Variants in DNAAF5 observed in about 807,000 individuals in gnomAD.
DNAAF5 encodes the protein HEAT repeat containing 2.
A neutral mutation model predicts 75.8 loss-of-function variants in DNAAF5; 64 were observed. The observed-to-expected ratio is 0.84, with a 90% CI of 0.69 to 1.04. DNAAF5 has a LOEUF of 1.04. Ranked by LOEUF, DNAAF5 falls within the 50% of genes least tolerant of loss-of-function variation. DNAAF5 has a pLI of 0.00. For missense variants in DNAAF5, 1,269 were observed against 1,178.5 expected, an observed-to-expected ratio of 1.08 and a Z score of -1.12; for synonymous variants, 657 against 557.2, an observed-to-expected ratio of 1.18 and a Z score of -2.52.
chr7:782,936 CAG>C (rs1249386976), intron 12 of DNAAF5, among the ~76,000 whole-genome samples: 3 of 152,284 alleles, frequency 2.0e-5, no homozygotes, highest in Non-Finnish European at 2.9e-5. Flanking sequence ...CCGGCGGCAT[CAG>C]AAACTCGGAT....
intron 4 of DNAAF5, among the ~76,000 whole-genome samples, chr7:749,899 A>G (rs866309694): frequency 3.3e-5 from 5 of 152,156 alleles, no homozygotes; most frequent in East Asian, 1.9e-4. Flanking sequence ...GGGTTTCACC[A>G]TATCAGTCAG....
Position 774,098 on chromosome 7 carries a change from A to G in DNAAF5, c.1982A>G (p.Asn661Ser), listed in dbSNP as rs774747381. The stretch of plus-strand genomic sequence containing the variant: ...GTGACAAAGGACATCCTGGCCCCCA[A>G]TCTGCAGTGGCATGCGGGGAGGACA... ...ETVTKDILAP[N>S]LQWHAGRTAA... The change falls in exon 10 of 13, where the codon AAT (asparagine) becomes AGT (serine). Residue 661 changes from asparagine (N) to serine (S), a missense_variant. Asn to Ser is a conservative substitution (Grantham distance 46). Transcript: ENST00000297440. The G allele has an allele frequency of 1.1e-5, 18 of 1,613,592 alleles. No homozygotes were observed. Among genetic ancestry groups the G allele is most frequent in the Non-Finnish European group, 1.5e-5 (18 of 1,179,980 alleles).
At chr7:729,587 G>A (rs558764277) in intron 1 of DNAAF5, 76 bp from the exon 2 acceptor site, 43 of 1,435,770 alleles carry the variant, frequency 3.0e-5, no homozygotes, top group Admixed American at 1.6e-4. Context: ...GCAGGCAGCC[G>A]TCCTCTGGAA....
rs1782491372 is a variant in DNAAF5, at chr7:756,581, G to A, written c.1258-201G>A. On this transcript the variant is annotated intron_variant, in intron 5 of 12. Transcript: ENST00000297440. ...GCCTGGGAGGCGTGTCCGGCTCGCT[G>A]GCCTCAGGGACGTTCTGAGACCACA... Among the ~76,000 whole-genome samples the A allele has an allele frequency of 2.6e-5, 4 of 152,174 alleles. No homozygotes were observed. In the South Asian group the frequency reaches 8.3e-4, roughly 31 times the overall value.
chr7:781,418 T>C (rs1276993104), intron 12 of DNAAF5, among the ~76,000 whole-genome samples: 1 of 152,218 alleles, frequency 6.6e-6, no homozygotes, highest in Admixed American at 6.5e-5. Context: ...TCTCCCTTCA[T>C]CTGTCCGTGG....
rs1457911742 is a variant in DNAAF5, at chr7:726,737, T to C, written c.17T>C (p.Val6Ala). Reference sequence around the variant, plus strand: ...GCGGGCAAGATGGCGGCGCTGGGGGTGGCGGAGGCCGTGGCGGCCCCACAC... The same window carrying C: ...GCGGGCAAGATGGCGGCGCTGGGGGCGGCGGAGGCCGTGGCGGCCCCACAC... MAALGVAEAVAAPHPA... is the reference protein window; with the variant it reads MAALGAAEAVAAPHPA... Residue 6 changes from valine to alanine, a missense_variant, in exon 1 of 13, where the codon GTG (valine) becomes GCG (alanine). Transcript: ENST00000297440. 1.9e-5 allele frequency: 24 copies of C among 1,243,146 alleles called. No individual in the cohort carries two copies. Among genetic ancestry groups the C allele is most frequent in the African/African-American group, 3.1e-5 (2 of 64,300 alleles). The allele number at this position is 1,243,146 out of a possible 1,614,324, so 77.0% of individuals were successfully genotyped here.
At chr7:764,466 G>A (rs1484752046) in intron 8 of DNAAF5, among the ~76,000 whole-genome samples, 1 of 152,218 alleles carries the variant, frequency 6.6e-6, no homozygotes, top group Non-Finnish European at 1.5e-5. Flanking sequence ...AGAACCCTAA[G>A]GAGACGTCCG....
At chr7:771,531 TC>T (rs1327199763) in intron 9 of DNAAF5, 2 of 152,286 alleles carry the variant, frequency 1.3e-5, no homozygotes, top group Non-Finnish European at 2.9e-5. Flanking sequence ...CAGACTTTTC[TC>T]CTTCATGACC....
chr7:748,862 A>T (rs1196105239), intron 4 of DNAAF5, among the ~76,000 whole-genome samples: 1 of 152,214 alleles, frequency 6.6e-6, no homozygotes, highest in Non-Finnish European at 1.5e-5. Flanking sequence ...CGAGTGCGTG[A>T]ACAGGCAAAG....
intron 4 of DNAAF5, among the ~76,000 whole-genome samples, chr7:746,926 T>G (rs1583488721): frequency 1.3e-5 from 2 of 152,208 alleles, no homozygotes; most frequent in African/African-American, 4.8e-5. Flanking sequence ...TGGCGTCTGC[T>G]CTTTCCTCTC....
At chr7:746,034 G>A (rs1005384337) in intron 4 of DNAAF5, among the ~76,000 whole-genome samples, 1 of 152,214 alleles carries the variant, frequency 6.6e-6, no homozygotes, top group Non-Finnish European at 1.5e-5. Context: ...ACTACGTTGT[G>A]TTAGATTTTT....
intron 3 of DNAAF5, 46 bp downstream of exon 3, chr7:740,989 G>A (rs1334450239): frequency 3.8e-6 from 6 of 1,598,716 alleles, no homozygotes; most frequent in African/African-American, 1.3e-5. Flanking sequence ...AAACGGTCAT[G>A]TGTAGCAGTG....
At position 785,555 on chromosome 7, in the gene DNAAF5, C is replaced by T. The variant is rs1333466494; in HGVS notation, c.2470C>T (p.Leu824=). 2 of 1,613,672 alleles carry T rather than the reference C, an allele frequency of 1.2e-6. No homozygotes were observed. The highest frequency in any genetic ancestry group is 1.7e-6 in the Non-Finnish European group (2 of 1,180,022). The change falls in exon 13 of 13, where the codon CTG becomes TTG. Residue 824 remains leucine (L), a synonymous_variant. Transcript: ENST00000297440. ...KEGSGLFPDL[L]VRETEAVIHK... is the part of the protein sequence containing the mutation. ...GGGCAGCGGGCTGTTCCCAGATCTC[C>T]TGGTGAGGGAGACGGAGGCCGTCAT...
chr7:782,140 C>T lies in DNAAF5; in HGVS notation c.2431+1996C>T, dbSNP rs181430565. Among the ~76,000 whole-genome samples, 123 of 152,216 alleles carry T rather than the reference C, an allele frequency of 8.1e-4. 1 individual carries two copies. The highest frequency in any genetic ancestry group is 1.4e-3 in the Admixed American group (21 of 15,292). On this transcript the variant is annotated intron_variant, in intron 12 of 12. Transcript: ENST00000297440. ...GGTGTGGCCGCCTCCCGTCGCGCAG[C>T]GTCAGAAACTCGGATCTTCGCGGCG...
intron 2 of DNAAF5, among the ~76,000 whole-genome samples, chr7:733,365 G>A (rs574193624): frequency 1.2e-4 from 18 of 152,254 alleles, no homozygotes; most frequent in East Asian, 3.9e-4. Flanking sequence ...TAGGGATTGC[G>A]TTGAGTCTGT....
At chr7:783,695 C>G (rs926486076) in intron 12 of DNAAF5, among the ~76,000 whole-genome samples, 6 of 152,234 alleles carry the variant, frequency 3.9e-5, no homozygotes, top group African/African-American at 1.4e-4. Context: ...ACAGCCCATC[C>G]TGCCAGATCC....
chr7:732,418 C>T, intron 2 of DNAAF5: 1 of 416,446 alleles, frequency 2.4e-6, no homozygotes, highest in African/African-American at 2.0e-5. Context: ...TGCAGGGGTG[C>T]CCTGGTTGTC....
intron 2 of DNAAF5, among the ~76,000 whole-genome samples, chr7:737,742 C>CT (rs1235342690): frequency 9.9e-5 from 15 of 152,234 alleles, no homozygotes; most frequent in Non-Finnish European, 4.4e-5. Context: ...AAGCCACTGT[C>CT]TCCTGCCCAG....
chr7:728,932 G>T (rs1217958216), intron 1 of DNAAF5, among the ~76,000 whole-genome samples: 1 of 151,536 alleles, frequency 6.6e-6, no homozygotes, highest in African/African-American at 2.4e-5. Context: ...TCCCAGACGG[G>T]CCCCAAGTAG....
Sources: allele counts gnomAD v4.1 joint callset (sites outside exome capture counted in the v4.1 genomes callset), GRCh38; gene constraint gnomAD v4.1.1; transcripts MANE v1.5; gene names NCBI Gene and HGNC (gene_info 2026-07-23, HGNC 2026-07-21).